Variants in ROBO1 observed in about 807,000 individuals in gnomAD.
The protein encoded by ROBO1 is roundabout homolog 1.
Under a neutral mutation model 195.9 loss-of-function variants are expected in ROBO1, and 149 were observed. The ratio of observed to expected loss-of-function variants is 0.76; its 90% CI spans 0.67 to 0.87. The LOEUF is 0.87. Ranked by LOEUF, ROBO1 falls within the 40% of genes least tolerant of loss-of-function variation. ROBO1 has a pLI of 0.00. For synonymous variants in ROBO1, 816 were observed against 733.2 expected (o/e 1.11, Z -1.82); for missense variants, 1,933 against 2,068.3 (o/e 0.93, Z 1.27).
In ROBO1 at chr3:78,886,727, T is replaced by C. The variant is rs553857232; in HGVS notation, c.499+51874A>G. Reference sequence around the variant, plus strand: ...ATATTTATGAATCTCCAAAACATAATGTGGAATATATGAAGCCCCATTGAA... The same window carrying C: ...ATATTTATGAATCTCCAAAACATAACGTGGAATATATGAAGCCCCATTGAA... On this transcript the variant is annotated intron_variant, in intron 4 of 30. Coordinates refer to ENST00000464233, the MANE Select transcript of ROBO1 (RefSeq NM_002941.4). Among the ~76,000 whole-genome samples the C allele has an allele frequency of 7.9e-5, 12 of 152,322 alleles. No homozygotes were observed. In the South Asian group the frequency reaches 2.5e-3, roughly 32 times the overall value.
chr3:78,715,484 T>A (rs984035973), intron 7 of ROBO1, among the ~76,000 whole-genome samples: 20 of 152,104 alleles, frequency 1.3e-4, no homozygotes, highest in Non-Finnish European at 1.5e-4. Context: ...GCCACTAGCC[T>A]CTCCCCAGAA....
intron 1 of ROBO1, among the ~76,000 whole-genome samples, chr3:79,648,754 A>T (rs1248617390): frequency 2.0e-5 from 3 of 152,122 alleles, no homozygotes; most frequent in African/African-American, 7.2e-5. Flanking sequence ...CATATCAAAA[A>T]GCATGGTAGT....
At chr3:79,301,925 T>TA (rs1393828866) in intron 2 of ROBO1, among the ~76,000 whole-genome samples, 2 of 152,182 alleles carry the variant, frequency 1.3e-5, no homozygotes, top group Non-Finnish European at 2.9e-5. Context: ...GTAAAATAGA[T>TA]ACATGGACTA....
intron 3 of ROBO1, among the ~76,000 whole-genome samples, chr3:78,943,238 T>C (rs559754757): frequency 6.6e-5 from 10 of 152,130 alleles, no homozygotes; most frequent in African/African-American, 2.2e-4. Flanking sequence ...GAAAGGTTTT[T>C]GTTTTGTTTT....
chr3:79,740,236 A>AATATATAT lies in ROBO1; in HGVS notation c.-51+27508_-51+27515dup, dbSNP rs34984469. 1.2e-3 allele frequency among the ~76,000 whole-genome samples: 174 copies of AATATATAT among 143,634 alleles called. 1 individual carries two copies. The highest frequency in any genetic ancestry group is 3.7e-3 in the Middle Eastern group (1 of 268). The allele number at this position is 143,634 out of a possible 152,430, so 94.2% of individuals were successfully genotyped here. On this transcript the variant is annotated intron_variant, in intron 1 of 30. Coordinates refer to ENST00000464233, the MANE Select transcript of ROBO1 (RefSeq NM_002941.4). ...ATTTATATATATAAATTTATATATA[A>AATATATAT]ATATATATATATATATACTGAACTG...
At chr3:78,877,562 T>A (rs933096821) in intron 4 of ROBO1, among the ~76,000 whole-genome samples, 1 of 152,202 alleles carries the variant, frequency 6.6e-6, no homozygotes, top group African/African-American at 2.4e-5. Flanking sequence ...ATAAGTCTGG[T>A]ATATTTTAAA....
chr3:79,425,910 A>G (rs965939147), intron 2 of ROBO1, among the ~76,000 whole-genome samples: 11 of 152,194 alleles, frequency 7.2e-5, no homozygotes, highest in African/African-American at 2.7e-4. Context: ...ATAACTGTAT[A>G]TATCTGTTCT....
rs115775284 is a variant in ROBO1, at chr3:79,637,024, G to A, written c.-50-47063C>T. ...AGAAAGGCTAACCCATAACATGTGT[G>A]GCTATTCAAATTAAAATTAAGTAAA... On this transcript the variant is annotated intron_variant, in intron 1 of 30. Transcript: ENST00000464233. Among the ~76,000 whole-genome samples the A allele has an allele frequency of 8.7e-3, 1,324 of 152,212 alleles. 19 individuals are homozygous for A. The highest frequency in any genetic ancestry group is 0.031 in the African/African-American group (1,279 of 41,544).
At chr3:79,566,162 C>T (rs892241538) in intron 2 of ROBO1, among the ~76,000 whole-genome samples, 2 of 151,994 alleles carry the variant, frequency 1.3e-5, no homozygotes, top group Non-Finnish European at 2.9e-5. Context: ...CAAGGCTAGA[C>T]CAAAAAGAAA....
rs76049543 is a variant in ROBO1, at chr3:79,679,373, A to C, written c.-51+88379T>G. On this transcript the variant is annotated intron_variant, in intron 1 of 30. Coordinates refer to ENST00000464233, the MANE Select transcript of ROBO1 (RefSeq NM_002941.4). ...TGTAATGATTTTTGAGTATCTACTA[A>C]TTGACATTTAGGTTATTTCAAGTAT... 3.0e-4 allele frequency among the ~76,000 whole-genome samples: 45 copies of C among 152,096 alleles called. 4 individuals carry two copies. In the East Asian group the frequency reaches 8.7e-3, roughly 29 times the overall value.
intron 2 of ROBO1, among the ~76,000 whole-genome samples, chr3:79,361,749 A>G (rs1488946262): frequency 6.6e-6 from 1 of 152,218 alleles, no homozygotes; most frequent in South Asian, 2.1e-4. Context: ...AACTCATTGC[A>G]TACTTACAAG....
chr3:79,436,546 T>C (rs1415763624), intron 2 of ROBO1, among the ~76,000 whole-genome samples: 1 of 152,136 alleles, frequency 6.6e-6, no homozygotes, highest in Non-Finnish European at 1.5e-5. Context: ...TTTATTTATT[T>C]TGCTTTGATC....
intron 2 of ROBO1, among the ~76,000 whole-genome samples, chr3:79,528,333 C>G (rs1300169344): frequency 6.6e-6 from 1 of 152,074 alleles, no homozygotes; most frequent in Non-Finnish European, 1.5e-5. Flanking sequence ...TCTGGGTTAT[C>G]ATAAAACCCT....
At chr3:79,760,236 CAAAAAAAA>C (rs11451206) in intron 1 of ROBO1, among the ~76,000 whole-genome samples, 3 of 4,510 alleles carry the variant, frequency 6.7e-4, no homozygotes, top group Non-Finnish European at 1.3e-3. Flanking sequence ...GACCCTATCT[CAAAAAAAA>C]AAAAAAAAAA....
chr3:79,000,878 C>T (rs1397021874), intron 3 of ROBO1, among the ~76,000 whole-genome samples: 1 of 152,100 alleles, frequency 6.6e-6, no homozygotes, highest in Admixed American at 6.6e-5. Flanking sequence ...ACCCAAATGC[C>T]CATCAATGAT....
At chr3:79,364,834 C>T (rs2035906877) in intron 2 of ROBO1, among the ~76,000 whole-genome samples, 1 of 152,180 alleles carries the variant, frequency 6.6e-6, no homozygotes, top group Admixed American at 6.5e-5. Flanking sequence ...TGCATACCTG[C>T]TAAACGGGTA....
intron 2 of ROBO1, among the ~76,000 whole-genome samples, chr3:79,139,765 T>A (rs1367603070): frequency 6.6e-6 from 1 of 152,148 alleles, no homozygotes; most frequent in African/African-American, 2.4e-5. Flanking sequence ...CTTTTTTTGT[T>A]ATTCTCTCCA....
At chr3:79,430,066 A>T (rs2038613235) in intron 2 of ROBO1, among the ~76,000 whole-genome samples, 1 of 152,056 alleles carries the variant, frequency 6.6e-6, no homozygotes, top group Middle Eastern at 3.4e-3. Context: ...TTTATGATAC[A>T]ATTTTAAAAT....
rs542099147 is a variant in ROBO1, at chr3:79,220,237, T to G, written c.89-94698A>C. Among the ~76,000 whole-genome samples the G allele has an allele frequency of 3.9e-5, 6 of 152,090 alleles. No homozygotes were observed. In the South Asian group the frequency reaches 1.2e-3, roughly 32 times the overall value. ...GAATTTATTTTATGAACAAACAAAT[T>G]AAGGAACAACAACTCAGGCAGGGCA... On this transcript the variant is annotated intron_variant, in intron 2 of 30. Transcript: ENST00000464233.
Sources: gnomAD v4.1 joint callset for allele counts (sites outside exome capture counted in the v4.1 genomes callset) on GRCh38, gnomAD v4.1.1 for gene constraint, MANE v1.5 for transcripts, NCBI Gene and HGNC (gene_info 2026-07-23, HGNC 2026-07-21) for gene names.